RNF214: variants seen among roughly 807,000 people sequenced by gnomAD.
The protein encoded by RNF214 is ring finger protein 214.
RNF214 carries 25 observed loss-of-function variants against 75.9 expected under a neutral mutation model. The observed-to-expected ratio is 0.33, with a 90% confidence interval of 0.24 to 0.46. The LOEUF is 0.46. Ranked by LOEUF, RNF214 falls within the 20% of genes least tolerant of loss-of-function variation. The pLI, the probability that RNF214 is intolerant of heterozygous loss-of-function variation, is 1.00. For synonymous variants in RNF214, 314 were observed against 308.8 expected, an observed-to-expected ratio of 1.02 and a Z score of -0.18; for missense variants, 725 against 857.5, an observed-to-expected ratio of 0.85 and a Z score of 1.93.
chr11:117,265,534 C>G (rs1164725388), intron 6 of RNF214, among the ~76,000 whole-genome samples: 1 of 152,010 alleles, frequency 6.6e-6, no homozygotes, highest in East Asian at 1.9e-4. Flanking sequence ...CTGTCTCAGT[C>G]TCCTGAGTAG....
At chr11:117,282,931 A>G (rs2034159763) in intron 13 of RNF214, 81 bp downstream of exon 13, 2 of 1,160,790 alleles carry the variant, frequency 1.7e-6, no homozygotes, top group Admixed American at 1.8e-5. Context: ...GGAGTGCAGG[A>G]AGAAACCATC....
chr11:117,256,121 ACTCT>A (rs1320302321), intron 6 of RNF214, among the ~76,000 whole-genome samples: 2 of 151,034 alleles, frequency 1.3e-5, no homozygotes, highest in African/African-American at 4.9e-5. Flanking sequence ...TTTCCCAGAC[ACTCT>A]CCCTCCCTCC....
chr11:117,235,096 T>C (rs1301977373), intron 2 of RNF214, among the ~76,000 whole-genome samples: 1 of 152,262 alleles, frequency 6.6e-6, no homozygotes, highest in Non-Finnish European at 1.5e-5. Context: ...ATAGTTGTGT[T>C]GTTTAAGGAA....
At chr11:117,242,766 A>C (rs1018924218) in intron 4 of RNF214, among the ~76,000 whole-genome samples, 3 of 152,176 alleles carry the variant, frequency 2.0e-5, no homozygotes, top group Non-Finnish European at 4.4e-5. Flanking sequence ...GGCAGAGAGA[A>C]TTGCTTGAAC....
At chr11:117,239,764 T>A in intron 3 of RNF214, 37 bp from the exon 4 acceptor site, 1 of 1,160,566 alleles carries the variant, frequency 8.6e-7, no homozygotes, top group Non-Finnish European at 1.3e-6. Context: ...TTAAAGTGTC[T>A]CTGAACGATT....
chr11:117,257,516 A>C (rs542682707), intron 6 of RNF214, among the ~76,000 whole-genome samples: 1 of 152,222 alleles, frequency 6.6e-6, no homozygotes, highest in Non-Finnish European at 1.5e-5. Flanking sequence ...GGGACATTCA[A>C]GTACTCAGTA....
Position 117,238,782 on chromosome 11 carries a change from G to A in RNF214, c.289G>A (p.Ala97Thr). Reference protein sequence around the residue: ...VVLGENLIATALCLSGSGSQS... With the variant: ...VVLGENLIATTLCLSGSGSQS... ...TTTAGGAGAAAACTTGATAGCCACA[G>A]CCCTTTGTCTTTCTGGCAGTGGGTC... is the stretch of plus-strand genomic sequence containing the variant. The change falls in exon 3 of 15, where the codon GCC becomes ACC. Residue 97 changes from alanine (A) to threonine (T), a missense_variant. Ala to Thr is a moderately conservative substitution (Grantham distance 58). Transcript: ENST00000300650. 2 of 1,614,220 alleles carry A rather than the reference G, an allele frequency of 1.2e-6. No individual in the cohort carries two copies. Among genetic ancestry groups the A allele is most frequent in the African/African-American group, 1.3e-5 (1 of 75,056 alleles).
chr11:117,266,178 G>A (rs984200584), intron 6 of RNF214, among the ~76,000 whole-genome samples: 1 of 152,032 alleles, frequency 6.6e-6, no homozygotes, highest in Non-Finnish European at 1.5e-5. Context: ...CTTTCCCTCT[G>A]TGTATTGTGT....
chr11:117,277,824 A>C (rs558018073), intron 6 of RNF214, among the ~76,000 whole-genome samples: 120 of 151,986 alleles, frequency 7.9e-4, no homozygotes, highest in East Asian at 7.8e-4. Flanking sequence ...ATACAAAAAA[A>C]ATTAGCTGCG....
In RNF214 at chr11:117,283,230, C is replaced by T. The variant is rs764473200; in HGVS notation, c.2046+20C>T. On this transcript the variant is annotated intron_variant, in intron 14 of 14. Coordinates refer to ENST00000300650, the MANE Select transcript of RNF214 (RefSeq NM_207343.4). ...AAGGAGGTAGGTGTTACAGACCTTC[C>T]TCATTTTCTACACTTTTTCTTCTGA... 4.7e-6 allele frequency: 7 copies of T among 1,502,082 alleles called. No individual in the cohort carries two copies. The highest frequency in any genetic ancestry group is 4.2e-5 in the African/African-American group (3 of 72,258). The allele number at this position is 1,502,082 out of a possible 1,614,324, so 93.0% of individuals were successfully genotyped here. A position where few individuals can be genotyped will look rare whatever the true frequency, so the allele number is the denominator to read the frequency against.
At position 117,285,097 on chromosome 11, in the gene RNF214, C is replaced by G; in HGVS notation, c.2058C>G (p.Phe686Leu). 6.2e-7 allele frequency: 1 copy of G among 1,611,540 alleles called. No homozygotes were observed. The highest frequency in any genetic ancestry group is 1.1e-5 in the South Asian group (1 of 91,000). Residue 686 changes from phenylalanine to leucine, a missense_variant, in exon 15 of 15, where the codon TTC becomes TTG. Physicochemically the swap from Phe to Leu is conservative, Grantham distance 22. Around this residue, in one of 2 missense-constraint regions of RNF214, gnomAD observed 363 missense variants for 513.0 expected, o/e 0.71. Coordinates refer to ENST00000300650, the MANE Select transcript of RNF214 (RefSeq NM_207343.4). The stretch of plus-strand genomic sequence containing the variant: ...TTCTTTCTTTCCAGTGTATCAAATT[C>G]TGGGCCCAGACCAACACAAATGACA... ...THVLHKECIK[F>L]WAQTNTNDTC... is the part of the protein sequence containing the mutation.
At chr11:117,274,356 C>CT (rs11461326) in intron 6 of RNF214, among the ~76,000 whole-genome samples, 33,192 of 79,724 alleles carry the variant, frequency 0.42, 8,047 homozygotes, top group South Asian at 0.65. Context: ...CAAATGACTT[C>CT]TTTTTTTTTT....
chr11:117,234,217 G>A, intron 1 of RNF214, 50 bp from the exon 2 acceptor site: 1 of 1,373,550 alleles, frequency 7.3e-7, no homozygotes, highest in Non-Finnish European at 1.0e-6. Context: ...AGATACATTT[G>A]TTTTAAACTT....
At chr11:117,243,577 G>A (rs1316435582) in intron 4 of RNF214, among the ~76,000 whole-genome samples, 3 of 151,818 alleles carry the variant, frequency 2.0e-5, no homozygotes, top group African/African-American at 7.3e-5. Flanking sequence ...ATATTATATG[G>A]GCTACTTCAT....
At chr11:117,285,065 T>G in intron 14 of RNF214, 21 bp from the exon 15 acceptor site, 1 of 1,566,820 alleles carries the variant, frequency 6.4e-7, no homozygotes, top group Admixed American at 1.7e-5. Context: ...AAACCTGAGG[T>G]GTGTCTTTCT....
chr11:117,258,719 A>T (rs572238701), intron 6 of RNF214, among the ~76,000 whole-genome samples: 26 of 152,268 alleles, frequency 1.7e-4, no homozygotes, highest in Non-Finnish European at 3.8e-4. Flanking sequence ...TATATAAAAT[A>T]CATTACTGTT....
intron 6 of RNF214, among the ~76,000 whole-genome samples, chr11:117,278,757 G>A (rs1182291708): frequency 1.7e-4 from 26 of 152,198 alleles, no homozygotes; most frequent in Non-Finnish European, 4.4e-5. Flanking sequence ...TTGTATCACT[G>A]TGCTTAGTAG....
intron 6 of RNF214, among the ~76,000 whole-genome samples, chr11:117,258,019 A>C (rs1368703484): frequency 6.6e-6 from 1 of 152,190 alleles, no homozygotes; most frequent in East Asian, 1.9e-4. Context: ...ATTCTACTAC[A>C]GTTGTTTTTG....
intron 6 of RNF214, among the ~76,000 whole-genome samples, chr11:117,267,993 A>C (rs987640225): frequency 1.3e-5 from 2 of 152,244 alleles, no homozygotes; most frequent in African/African-American, 2.4e-5. Context: ...ATCCACTGAG[A>C]TATTGCAAAG....
Sources: allele counts gnomAD v4.1 joint callset (sites outside exome capture counted in the v4.1 genomes callset), GRCh38; gene constraint gnomAD v4.1.1; regional missense constraint gnomAD v4.1.1; transcripts MANE v1.5; gene names NCBI Gene and HGNC (gene_info 2026-07-23, HGNC 2026-07-21).